Variants in PTCH1 observed in about 807,000 individuals in gnomAD.
PTCH1 encodes patched 1.
In PTCH1, 14 loss-of-function variants were observed where a neutral mutation model predicts 144.6. The ratio of observed to expected loss-of-function variants is 0.10; its 90% CI spans 0.06 to 0.15. The LOEUF (loss-of-function observed/expected upper bound fraction) is 0.15. Among genes scored for constraint, PTCH1 ranks in the 10% least tolerant of loss-of-function variants. The pLI, the probability that PTCH1 is intolerant of heterozygous loss-of-function variation, is 1.00. For synonymous variants in PTCH1, 833 were observed against 793.6 expected (o/e 1.05, Z -0.83); for missense variants, 1,623 against 1,948.3 (o/e 0.83, Z 3.14).
At position 95,482,194 on chromosome 9, in the gene PTCH1, T is replaced by C. The variant is rs1341335793; in HGVS notation, c.594A>G (p.Lys198=). 3.1e-6 allele frequency: 5 copies of C among 1,613,906 alleles called. No homozygotes were observed. In the Admixed American group the frequency reaches 6.7e-5, roughly 22 times the overall value. The change falls in exon 4 of 24, where the codon AAA becomes AAG. Residue 198 remains lysine (K), a synonymous_variant. Transcript: ENST00000331920. ...CTGATTTGTAACACAAATGTTCCAA[T>C]TTCCACTGCCTAATAAAATGAAAAG... ...VHVYMYNRQW[K]LEHLCYKSGE...
chr9:95,447,596 G>A (rs1317121695), intron 22 of PTCH1, 145 bp from the exon 23 acceptor site: 4 of 858,694 alleles, frequency 4.7e-6, no homozygotes, highest in Non-Finnish European at 7.0e-6. Flanking sequence ...CAAAAGAAAA[G>A]CCTGTCCTTC....
chr9:95,459,927 C>T (rs1475479959), intron 16 of PTCH1, 144 bp from the exon 17 acceptor site: 1 of 869,342 alleles, frequency 1.2e-6, no homozygotes, highest in Non-Finnish European at 1.9e-6. Context: ...AAAATCCCAT[C>T]AGAACACCTT....
At chr9:95,507,264 G>C (rs1302789512) in intron 1 of PTCH1, 1 of 985,370 alleles carries the variant, frequency 1.0e-6, no homozygotes, top group African/African-American at 1.7e-5. Flanking sequence ...CAGCCACATG[G>C]ATCTTTCCCT....
intron 3 of PTCH1, among the ~76,000 whole-genome samples, chr9:95,485,306 G>A (rs1483468947): frequency 3.3e-5 from 5 of 152,274 alleles, no homozygotes; most frequent in African/African-American, 1.2e-4. Flanking sequence ...GTCACAAGAA[G>A]CAGCTCTTCT....
rs557851022 is a variant in PTCH1 at position 95,508,395 on chromosome 9, G to A, written c.-34C>T. 8.1e-6 allele frequency: 9 copies of A among 1,116,366 alleles called. No individual in the cohort carries two copies. The East Asian group carries it at 4.6e-4, about 56-fold the overall frequency. 69.2% of individuals were successfully genotyped at this position (1,116,366 alleles called of 1,614,324 possible). On this transcript the variant is annotated 5_prime_UTR_variant, in exon 1 of 24. Transcript: ENST00000331920. ...CGCCGCCGCCGCCGCCGCGGGGACG[G>A]AGGCTTCCCGGGCGGCCCGGCGCGC...
rs147497556 is a variant in PTCH1 at position 95,470,128 on chromosome 9, C to G, written c.1729-197G>C. Among the ~76,000 whole-genome samples the G allele has an allele frequency of 6.2e-3, 947 of 152,312 alleles. 13 individuals carry two copies. Among genetic ancestry groups the G allele is most frequent in the African/African-American group, 0.022 (913 of 41,568 alleles). ...TTGATAGGAATAGTCTTGACTGTTT[C>G]TGGGCCTTTCTATCTCTAATAATTC... On this transcript the variant is annotated intron_variant, in intron 12 of 23. Transcript: ENST00000331920.
intron 2 of PTCH1, among the ~76,000 whole-genome samples, chr9:95,493,385 G>A (rs548787350): frequency 6.6e-6 from 1 of 152,364 alleles, no homozygotes; most frequent in African/African-American, 2.4e-5. Context: ...ACCTCCGTAT[G>A]TGAGGGACGC....
chr9:95,498,609 G>C (rs1842940366), intron 2 of PTCH1, among the ~76,000 whole-genome samples: 1 of 152,010 alleles, frequency 6.6e-6, no homozygotes. Flanking sequence ...TGTACGGAAG[G>C]CATTAGACAT....
rs2117966513 is a variant in PTCH1, at chr9:95,467,303, A to G, written c.2373T>C (p.Ile791=). The change falls in exon 15 of 24, where the codon ATT becomes ATC. Residue 791 remains isoleucine (I), a synonymous_variant. Coordinates refer to ENST00000331920, the MANE Select transcript of PTCH1 (RefSeq NM_000264.5). ...VPRETREYDF[I]AAQFKYFSFY... is the part of the protein sequence containing the mutation. ...AAGAAAAGTATTTGAATTGTGCAGC[A>G]ATAAAGTCATATTCTCTGGTTTCCC... 6.2e-7 allele frequency: 1 copy of G among 1,614,232 alleles called. No homozygotes were observed. The highest frequency in any genetic ancestry group is 8.5e-7 in the Non-Finnish European group (1 of 1,180,034).
At chr9:95,469,348 T>A (rs1840350914) in intron 13 of PTCH1, among the ~76,000 whole-genome samples, 195 bp from the exon 14 acceptor site, 2 of 152,126 alleles carry the variant, frequency 1.3e-5, no homozygotes, top group Non-Finnish European at 2.9e-5. Flanking sequence ...GTGAACTAGA[T>A]AAAAGTCAGT....
chr9:95,503,655 C>T (rs1342724040), intron 2 of PTCH1, among the ~76,000 whole-genome samples: 1 of 152,166 alleles, frequency 6.6e-6, no homozygotes, highest in Admixed American at 6.5e-5. Context: ...ACAGACAACC[C>T]ATAGTTTCCC....
intron 15 of PTCH1, among the ~76,000 whole-genome samples, chr9:95,465,632 C>G (rs982674985): frequency 6.6e-6 from 1 of 152,176 alleles, no homozygotes; most frequent in Non-Finnish European, 1.5e-5. Flanking sequence ...CCTCTACCAA[C>G]CTCAAGTTGT....
intron 2 of PTCH1, chr9:95,506,167 C>T (rs932172478): frequency 2.8e-6 from 1 of 351,792 alleles, no homozygotes; most frequent in Non-Finnish European, 5.0e-6. Flanking sequence ...CCCCGTCCCG[C>T]CCCCGCCGCT....
chr9:95,479,204 C>T, intron 7 of PTCH1, 57 bp from the exon 8 acceptor site: 4 of 1,611,436 alleles, frequency 2.5e-6, no homozygotes, highest in Non-Finnish European at 3.4e-6. Context: ...GCAGTTTCCA[C>T]TGCCTCAAAT....
Position 95,515,951 on chromosome 9 carries a change from C to G in PTCH1, c.3+518G>C, listed in dbSNP as rs370108303. ...CCTTCCCTGCGGCTGCGGCTGCTCC[C>G]GCGAGCTGGCGGCAGCGGCTTCCGC... On this transcript the variant is annotated intron_variant, in intron 1 of 22. Transcript: ENST00000430669. Among the ~76,000 whole-genome samples the G allele has an allele frequency of 4.6e-5, 7 of 152,140 alleles. No individual in the cohort carries two copies. The East Asian group carries it at 1.4e-3, about 30-fold the overall frequency.
intron 15 of PTCH1, among the ~76,000 whole-genome samples, chr9:95,465,108 T>C (rs1299791710): frequency 6.6e-6 from 1 of 151,796 alleles, no homozygotes; most frequent in Non-Finnish European, 1.5e-5. Context: ...CAACTCCAGC[T>C]GATTTACATC....
chr9:95,516,960 C>A, exon 1 of PTCH1: 1 of 635,276 alleles, frequency 1.6e-6, no homozygotes. Context: ...CACAGCCCTC[C>A]TGGGTAAACA....
intron 20 of PTCH1, chr9:95,452,050 C>T: frequency 6.6e-6 from 1 of 152,332 alleles, no homozygotes; most frequent in Non-Finnish European, 1.5e-5. Context: ...CCGAAATCGG[C>T]CCTGCACTTA....
Position 95,508,248 on chromosome 9 carries a change from C to A in PTCH1, c.114G>T (p.Gly38=). 1.2e-6 allele frequency: 2 copies of A among 1,601,578 alleles called. No homozygotes were observed. The highest frequency in any genetic ancestry group is 1.7e-6 in the Non-Finnish European group (2 of 1,175,746). ...GGTCCGGCGCGGCAGCACGGCGCAG[C>A]CCCCCCGTCCGTCTGCGCCTCCCGC... The part of the protein sequence containing the change: ...AGGGRRRRTG[G]LRRAAAPDRD... The change falls in exon 1 of 24, where the codon GGG becomes GGT. Residue 38 remains glycine (G), a synonymous_variant. Coordinates refer to ENST00000331920, the MANE Select transcript of PTCH1 (RefSeq NM_000264.5).
Sources: allele counts gnomAD v4.1 joint callset (sites outside exome capture counted in the v4.1 genomes callset), GRCh38; gene constraint gnomAD v4.1.1; transcripts MANE v1.5; gene names NCBI Gene and HGNC (gene_info 2026-07-23, HGNC 2026-07-21).